SLC2A13: variants seen among roughly 807,000 people sequenced by gnomAD.
SLC2A13 encodes solute carrier family 2 member 13.
SLC2A13 carries 32 observed loss-of-function variants against 64.4 expected under a neutral mutation model. The ratio of observed to expected loss-of-function variants is 0.50; its 90% CI spans 0.37 to 0.67. The LOEUF is 0.67. SLC2A13 is among the 30% of genes least tolerant of loss of function. The pLI, the probability that SLC2A13 is intolerant of heterozygous loss-of-function variation, is 0.00. For synonymous variants in SLC2A13, 338 were observed against 327.1 expected (o/e 1.03, Z -0.36); for missense variants, 743 against 829.2 (o/e 0.90, Z 1.28).
At chr12:39,982,536 G>A (rs1341029664) in intron 3 of SLC2A13, among the ~76,000 whole-genome samples, 1 of 150,904 alleles carries the variant, frequency 6.6e-6, no homozygotes, top group Non-Finnish European at 1.5e-5. Context: ...ACCAACAACA[G>A]ACAAACAGAG....
At chr12:39,876,885 T>C (rs561742388) in intron 4 of SLC2A13, among the ~76,000 whole-genome samples, 1 of 152,298 alleles carries the variant, frequency 6.6e-6, no homozygotes, top group East Asian at 1.9e-4. Flanking sequence ...CATATTCATA[T>C]TGTGATATAG....
At chr12:39,884,891 A>G (rs1944432573) in intron 4 of SLC2A13, among the ~76,000 whole-genome samples, 2 of 152,228 alleles carry the variant, frequency 1.3e-5, no homozygotes, top group African/African-American at 4.8e-5. Flanking sequence ...AGCATTTAAA[A>G]TCAGCCAAGG....
chr12:39,924,773 A>G (rs1212817987), intron 4 of SLC2A13, among the ~76,000 whole-genome samples: 1 of 152,160 alleles, frequency 6.6e-6, no homozygotes, highest in Non-Finnish European at 1.5e-5. Context: ...TTGGCAATGT[A>G]AAATGCAATA....
intron 3 of SLC2A13, among the ~76,000 whole-genome samples, chr12:40,000,083 A>G (rs1947298403): frequency 6.6e-6 from 1 of 152,204 alleles, no homozygotes; most frequent in African/African-American, 2.4e-5. Context: ...TGACGGTTTT[A>G]AAAATGGGAG....
intron 4 of SLC2A13, among the ~76,000 whole-genome samples, chr12:39,911,894 A>T (rs967233647): frequency 1.3e-5 from 2 of 152,112 alleles, no homozygotes; most frequent in Non-Finnish European, 2.9e-5. Flanking sequence ...GGATGCTTTC[A>T]GATGGACAGT....
At chr12:39,968,763 TATATATA>T (rs1946581675) in intron 3 of SLC2A13, among the ~76,000 whole-genome samples, 13 of 108,838 alleles carry the variant, frequency 1.2e-4, no homozygotes, top group East Asian at 2.2e-4. Flanking sequence ...TTTTTTGGTA[TATATATA>T]TATATATATA....
chr12:39,991,821 C>T (rs1457837898), intron 3 of SLC2A13, among the ~76,000 whole-genome samples: 5 of 151,510 alleles, frequency 3.3e-5, no homozygotes, highest in South Asian at 2.1e-4. Context: ...AAAAATGAAA[C>T]GGTGATGGTA....
intron 4 of SLC2A13, among the ~76,000 whole-genome samples, chr12:39,873,601 T>C (rs1401098109): frequency 6.6e-6 from 1 of 152,202 alleles, no homozygotes; most frequent in Non-Finnish European, 1.5e-5. Context: ...AGAATAAGAA[T>C]AGTTATATTG....
intron 7 of SLC2A13, among the ~76,000 whole-genome samples, chr12:39,794,746 G>A (rs1419308395): frequency 6.6e-6 from 1 of 152,176 alleles, no homozygotes; most frequent in Non-Finnish European, 1.5e-5. Context: ...GGGGCTGCCT[G>A]ATTTGCGAAT....
chr12:39,857,007 G>A (rs1415745883), intron 6 of SLC2A13, among the ~76,000 whole-genome samples: 1 of 152,162 alleles, frequency 6.6e-6, no homozygotes. Flanking sequence ...TGTTTATGCA[G>A]ATGCTATTTT....
At chr12:39,856,042 T>G (rs777466252) in intron 6 of SLC2A13, among the ~76,000 whole-genome samples, 1 of 152,188 alleles carries the variant, frequency 6.6e-6, no homozygotes, top group Non-Finnish European at 1.5e-5. Context: ...GCTGTAGCCA[T>G]GAGTAGAAGT....
At chr12:40,023,057 A>C (rs1947749406) in intron 3 of SLC2A13, among the ~76,000 whole-genome samples, 1 of 152,142 alleles carries the variant, frequency 6.6e-6, no homozygotes, top group Non-Finnish European at 1.5e-5. Context: ...TCAATCTGTC[A>C]TTGCACTGAT....
rs116583121 is a variant in SLC2A13, at chr12:39,872,417, A to T, written c.1035-456T>A. 4.1e-3 allele frequency among the ~76,000 whole-genome samples: 627 copies of T among 152,336 alleles called. 6 individuals carry two copies. Among genetic ancestry groups the T allele is most frequent in the African/African-American group, 0.014 (602 of 41,578 alleles). ...AATATAGTGGTAAAAATCTGGGACA[A>T]GTGAAGGAACGCCTCAAAAAAGACA... On this transcript the variant is annotated intron_variant, in intron 4 of 9. Transcript: ENST00000280871.
intron 3 of SLC2A13, among the ~76,000 whole-genome samples, chr12:40,025,252 G>A (rs1298709812): frequency 2.0e-5 from 3 of 152,178 alleles, no homozygotes. Context: ...GACATGGCCA[G>A]AGCAACTGCC....
At chr12:40,076,487 T>A (rs2136277054) in intron 1 of SLC2A13, among the ~76,000 whole-genome samples, 1 of 152,266 alleles carries the variant, frequency 6.6e-6, no homozygotes, top group East Asian at 1.9e-4. Context: ...AAGGACATGA[T>A]CTGATTTTTT....
At chr12:40,028,280 A>G (rs373335852) in intron 3 of SLC2A13, 21 bp downstream of exon 3, 68 of 1,577,062 alleles carry the variant, frequency 4.3e-5, no homozygotes, top group Non-Finnish European at 5.5e-5. Flanking sequence ...TTAAATTCAT[A>G]TAAGTATAAA....
intron 6 of SLC2A13, among the ~76,000 whole-genome samples, chr12:39,843,051 T>C (rs968995466): frequency 2.0e-5 from 3 of 152,028 alleles, no homozygotes; most frequent in African/African-American, 7.2e-5. Context: ...TTTTTCGCTG[T>C]TTTATAAAAA....
chr12:40,051,844 CT>C (rs1194638930), intron 1 of SLC2A13, among the ~76,000 whole-genome samples: 4 of 152,042 alleles, frequency 2.6e-5, no homozygotes, highest in Non-Finnish European at 5.9e-5. Context: ...GCGCAGAAGC[CT>C]CTGAATAGGG....
In SLC2A13 at chr12:39,978,541, G is replaced by C. The variant is rs369835546; in HGVS notation, c.926-27176C>G. Among the ~76,000 whole-genome samples the C allele has an allele frequency of 8.7e-4, 133 of 152,286 alleles. No homozygotes were observed. The Middle Eastern group carries it at 0.01, about 12-fold the overall frequency. ...GCAAGGGGTCAGGGAGTTCCCTTTC[G>C]GAGTCAAAGAAAGGGGTGACGGATG... On this transcript the variant is annotated intron_variant, in intron 3 of 9. Coordinates refer to ENST00000280871, the MANE Select transcript of SLC2A13 (RefSeq NM_052885.4).
Sources: allele counts gnomAD v4.1 joint callset (sites outside exome capture counted in the v4.1 genomes callset), GRCh38; gene constraint gnomAD v4.1.1; transcripts MANE v1.5; gene names NCBI Gene and HGNC (gene_info 2026-07-23, HGNC 2026-07-21).